The following PDE7A variants were observed in gnomAD, a reference collection of about 807,000 sequenced individuals.
The protein encoded by PDE7A is phosphodiesterase 7A.
A neutral mutation model predicts 64.3 loss-of-function variants in PDE7A; 39 were observed. That is an observed-to-expected ratio of 0.61 (90% CI 0.47 to 0.79). The LOEUF (loss-of-function observed/expected upper bound fraction) is 0.79. Among genes scored for constraint, PDE7A ranks in the 30% least tolerant of loss-of-function variants. The pLI is 0.00. For missense variants in PDE7A, 470 were observed against 582.8 expected, an observed-to-expected ratio of 0.81 and a Z score of 1.99; for synonymous variants, 203 against 206.8, an observed-to-expected ratio of 0.98 and a Z score of 0.16.
At chr8:65,743,790 C>T (rs966575376) in intron 5 of PDE7A, among the ~76,000 whole-genome samples, 8 of 151,776 alleles carry the variant, frequency 5.3e-5, no homozygotes, top group Admixed American at 5.2e-4. Flanking sequence ...TCAGCACTGA[C>T]TTCCTCTCAG....
At chr8:65,798,765 A>C (rs1809921821) in intron 1 of PDE7A, among the ~76,000 whole-genome samples, 1 of 152,230 alleles carries the variant, frequency 6.6e-6, no homozygotes, top group Non-Finnish European at 1.5e-5. Context: ...CATGCTAATT[A>C]AAATGTATAT....
At position 65,745,409 on chromosome 8, in the gene PDE7A, T is replaced by C. The variant is rs769296858; in HGVS notation, c.497A>G (p.Asn166Ser). The C allele has an allele frequency of 1.9e-6, 3 of 1,538,538 alleles. No individual in the cohort carries two copies. Among genetic ancestry groups the C allele is most frequent in the South Asian group, 1.1e-5 (1 of 89,544 alleles). ...AGCAAGTCAAATTCTTCACTTACCA[T>C]TTGTTAGTCTATCAAATAGAAAGAT... Reference protein sequence around the residue: ...FDIFLFDRLTNGNSLVSLTFH... With the variant: ...FDIFLFDRLTSGNSLVSLTFH... Residue 166 changes from asparagine to serine, a missense_variant and splice_region_variant, in exon 5 of 13, where the codon AAT becomes AGT. Coordinates refer to ENST00000401827, the MANE Select transcript of PDE7A (RefSeq NM_001242318.3).
chr8:65,839,949 A>G (rs922600295), intron 1 of PDE7A, among the ~76,000 whole-genome samples: 2 of 152,206 alleles, frequency 1.3e-5, no homozygotes, highest in Non-Finnish European at 2.9e-5. Flanking sequence ...ACTGGAAATG[A>G]GTTGCTAGTC....
At chr8:65,764,752 A>C (rs927761322) in intron 3 of PDE7A, among the ~76,000 whole-genome samples, 5 of 144,806 alleles carry the variant, frequency 3.5e-5, no homozygotes, top group Non-Finnish European at 7.4e-5. Flanking sequence ...ACAAATAATC[A>C]AAGTCTAACA....
At chr8:65,775,907 C>T (rs533695571) in intron 3 of PDE7A, among the ~76,000 whole-genome samples, 12 of 152,182 alleles carry the variant, frequency 7.9e-5, no homozygotes, top group Non-Finnish European at 1.8e-4. Context: ...AGATTACGGG[C>T]GTGAGCCACC....
intron 3 of PDE7A, among the ~76,000 whole-genome samples, chr8:65,774,744 C>G (rs199975215): frequency 6.6e-6 from 1 of 151,800 alleles, no homozygotes; most frequent in East Asian, 1.9e-4. Context: ...AAACCCATAA[C>G]ATGTAACATA....
chr8:65,715,914 G>A lies in PDE7A; in HGVS notation c.*3376C>T, dbSNP rs989658075. On this transcript the variant is annotated 3_prime_UTR_variant, in exon 13 of 13. Coordinates refer to ENST00000401827, the MANE Select transcript of PDE7A (RefSeq NM_001242318.3). ...GAGGCAGGAGAATGAGGAGAATGGCGTGAACCCGGGAGGCGGAACTTGCAG... is the reference window on the plus strand; with the variant it reads ...GAGGCAGGAGAATGAGGAGAATGGCATGAACCCGGGAGGCGGAACTTGCAG... Among the ~76,000 whole-genome samples, 12 of 145,756 alleles carry A rather than the reference G, an allele frequency of 8.2e-5. No homozygotes were observed. The highest frequency in any genetic ancestry group is 2.8e-4 in the African/African-American group (11 of 39,876).
intron 1 of PDE7A, among the ~76,000 whole-genome samples, chr8:65,825,933 T>C (rs1056866213): frequency 6.6e-6 from 1 of 151,884 alleles, no homozygotes; most frequent in African/African-American, 2.4e-5. Context: ...TAAAACGAAG[T>C]GTAACAGGTA....
At chr8:65,740,594 G>A (rs975063794) in intron 5 of PDE7A, among the ~76,000 whole-genome samples, 2 of 152,062 alleles carry the variant, frequency 1.3e-5, no homozygotes, top group Admixed American at 6.6e-5. Context: ...TAGAGACAGG[G>A]TTTCACTTTG....
At chr8:65,759,914 C>T (rs1182671098) in intron 3 of PDE7A, among the ~76,000 whole-genome samples, 1 of 151,966 alleles carries the variant, frequency 6.6e-6, no homozygotes, top group African/African-American at 2.4e-5. Flanking sequence ...ATTTTTCTTT[C>T]ATCTAAGAAA....
intron 3 of PDE7A, among the ~76,000 whole-genome samples, chr8:65,761,759 G>T (rs1035830077): frequency 6.6e-6 from 1 of 152,198 alleles, no homozygotes; most frequent in Non-Finnish European, 1.5e-5. Flanking sequence ...CAAAAAGTGG[G>T]ATAGCAGACG....
intron 1 of PDE7A, among the ~76,000 whole-genome samples, chr8:65,786,783 T>C (rs531466065): frequency 2.0e-5 from 3 of 152,198 alleles, no homozygotes; most frequent in African/African-American, 4.8e-5. Context: ...ACTCGTGACT[T>C]TTCTAATTTA....
intron 9 of PDE7A, 35 bp downstream of exon 9, chr8:65,726,840 C>T (rs1377405557): frequency 9.0e-7 from 1 of 1,109,548 alleles, no homozygotes; most frequent in East Asian, 2.4e-5. Context: ...CTTCTATAAC[C>T]AGTAACAAAT....
In PDE7A at chr8:65,739,408, G is replaced by C. The variant is rs1807301731; in HGVS notation, c.595+94C>G. On this transcript the variant is annotated intron_variant, in intron 6 of 12. Transcript: ENST00000401827. The stretch of plus-strand genomic sequence containing the variant: ...CACTAATTTTGGCTGGTTTGTTATA[G>C]AGCAATAGCTAACCGATATAACTGA... The C allele has an allele frequency of 1.3e-5, 17 of 1,350,978 alleles. No homozygotes were observed. In the South Asian group the frequency reaches 2.9e-4, roughly 23 times the overall value. The allele number at this position is 1,350,978 out of a possible 1,614,324, so 83.7% of individuals were successfully genotyped here.
intron 1 of PDE7A, among the ~76,000 whole-genome samples, chr8:65,804,536 GTTGCTTT>G (rs1810068296): frequency 1.6e-5 from 2 of 128,886 alleles, no homozygotes; most frequent in African/African-American, 3.1e-5. Flanking sequence ...GTTTCATTTT[GTTGCTTT>G]TTTTTTTTTT....
At position 65,719,194 on chromosome 8, in the gene PDE7A, A is replaced by T. The variant is rs1806271480; in HGVS notation, c.*96T>A. 1 of 785,020 alleles carries T rather than the reference A, an allele frequency of 1.3e-6. No individual in the cohort carries two copies. The highest frequency in any genetic ancestry group is 2.0e-5 in the Admixed American group (1 of 49,524). 48.6% of individuals were successfully genotyped at this position (785,020 alleles called of 1,614,324 possible). A position where few individuals can be genotyped will look rare whatever the true frequency, so the allele number is the denominator to read the frequency against. Reference sequence around the variant, plus strand: ...GCTGGCTGGCATCACTCACTTGGAAACCTTGGCAGTCAAGAGTTAAGTTCT... The same window carrying T: ...GCTGGCTGGCATCACTCACTTGGAATCCTTGGCAGTCAAGAGTTAAGTTCT... On this transcript the variant is annotated 3_prime_UTR_variant, in exon 13 of 13. Coordinates refer to ENST00000401827, the MANE Select transcript of PDE7A (RefSeq NM_001242318.3).
rs1179431555 is a variant in PDE7A, at chr8:65,730,171, CTTTTT to C, written c.697-2875_697-2871del. On this transcript the variant is annotated intron_variant, in intron 7 of 12. Coordinates refer to ENST00000401827, the MANE Select transcript of PDE7A (RefSeq NM_001242318.3). ...TGTGAGGGATCCAGGTTGCGCACTT[CTTTTT>C]TTTTTTTTTTTTTTTTTTTTTGAGA... is the stretch of plus-strand genomic sequence containing the variant. Among the ~76,000 whole-genome samples, 87 of 86,440 alleles carry C rather than the reference CTTTTT, an allele frequency of 1.0e-3. 1 individual carries two copies. The highest frequency in any genetic ancestry group is 4.1e-3 in the East Asian group (8 of 1,930). The allele number at this position is 86,440 out of a possible 152,430, so 56.7% of individuals were successfully genotyped here. A position where few individuals can be genotyped will look rare whatever the true frequency, so the allele number is the denominator to read the frequency against.
chr8:65,740,696 T>C lies in PDE7A; in HGVS notation c.500-1099A>G, dbSNP rs918013534. On this transcript the variant is annotated intron_variant, in intron 5 of 12. Coordinates refer to ENST00000401827, the MANE Select transcript of PDE7A (RefSeq NM_001242318.3). ...ATTTACAGGCGTGAGCTACCACGCC[T>C]GGCCAAGTTTCCCTTTCTTTCAAAA... is the stretch of plus-strand genomic sequence containing the variant. Among the ~76,000 whole-genome samples the C allele has an allele frequency of 4.6e-5, 7 of 152,294 alleles. 1 individual carries two copies. The South Asian group carries it at 6.2e-4, about 14-fold the overall frequency.
intron 9 of PDE7A, 70 bp from the exon 10 acceptor site, chr8:65,724,991 AC>A: frequency 9.7e-7 from 1 of 1,030,342 alleles, no homozygotes; most frequent in Non-Finnish European, 1.4e-6. Context: ...TTTTTTCTTA[AC>A]CATAATAATC....
Sources: allele counts gnomAD v4.1 joint callset (sites outside exome capture counted in the v4.1 genomes callset), GRCh38; gene constraint gnomAD v4.1.1; transcripts MANE v1.5; gene names NCBI Gene and HGNC (gene_info 2026-07-23, HGNC 2026-07-21).